The following KIDINS220 variants were observed in gnomAD, a reference collection of about 807,000 sequenced individuals.
KIDINS220 encodes kinase D-interacting substrate of 220 kDa.
KIDINS220 carries 63 observed loss-of-function variants against 157.6 expected under a neutral mutation model. That is an observed-to-expected ratio of 0.40 (90% CI 0.33 to 0.49). The LOEUF (loss-of-function observed/expected upper bound fraction) is 0.49. Among genes scored for constraint, KIDINS220 ranks in the 20% least tolerant of loss-of-function variants. KIDINS220 has a pLI of 0.66. For missense variants in KIDINS220, 1,772 were observed against 2,171.2 expected (o/e 0.82, Z 3.65); for synonymous variants, 732 against 783.6 (o/e 0.93, Z 1.10).
At position 8,798,197 on chromosome 2, in the gene KIDINS220, T is replaced by C; in HGVS notation, c.999+5A>G. The C allele has an allele frequency of 6.4e-7, 1 of 1,552,396 alleles. No homozygotes were observed. Among genetic ancestry groups the C allele is most frequent in the Non-Finnish European group, 8.9e-7 (1 of 1,124,300 alleles). On this transcript the variant is annotated splice_donor_5th_base_variant and intron_variant, in intron 10 of 29. Transcript: ENST00000256707. ...CTGCTAACAGAATAGAAATGCCATT[T>C]ATACCTTTGTGCATATTTCAGTGTC... is the stretch of plus-strand genomic sequence containing the variant.
chr2:8,744,214 TGA>T (rs1296448194), intron 26 of KIDINS220, among the ~76,000 whole-genome samples: 2 of 144,352 alleles, frequency 1.4e-5, no homozygotes, highest in African/African-American at 5.0e-5. Flanking sequence ...CTCACTTCTG[TGA>T]AACACTTGGA....
chr2:8,813,821 G>A (rs1386757347), intron 4 of KIDINS220, among the ~76,000 whole-genome samples: 2 of 152,094 alleles, frequency 1.3e-5, no homozygotes, highest in Admixed American at 1.3e-4. Flanking sequence ...CTATTCGGGA[G>A]GCTGAGGCAG....
In KIDINS220 at chr2:8,790,118, A is replaced by C. The variant is rs1232402292; in HGVS notation, c.1442-59T>G. On this transcript the variant is annotated intron_variant, in intron 13 of 29. Transcript: ENST00000256707. ...GTTTTGTTTAAGAAATACAACTTTT[A>C]ACTCAATATGCAGTTTTCACATTTT... 6 of 1,463,300 alleles carry C rather than the reference A, an allele frequency of 4.1e-6. No homozygotes were observed. The African/African-American group carries it at 8.6e-5, about 21-fold the overall frequency. The allele number at this position is 1,463,300 out of a possible 1,614,324, so 90.6% of individuals were successfully genotyped here. A position where few individuals can be genotyped will look rare whatever the true frequency, so the allele number is the denominator to read the frequency against.
intron 22 of KIDINS220, 64 bp downstream of exon 22, chr2:8,770,606 G>GTTTT (rs57679000): frequency 2.5e-5 from 18 of 719,716 alleles, no homozygotes; most frequent in South Asian, 1.1e-4. Context: ...CTTTATACGC[G>GTTTT]TTTTTTTTTT....
chr2:8,742,216 C>G (rs897193544), intron 26 of KIDINS220, among the ~76,000 whole-genome samples: 5 of 151,926 alleles, frequency 3.3e-5, no homozygotes, highest in African/African-American at 1.2e-4. Context: ...TCACCTCAGC[C>G]TCTCAAGTAG....
chr2:8,748,264 G>A (rs1030306716), intron 24 of KIDINS220, among the ~76,000 whole-genome samples: 1 of 152,030 alleles, frequency 6.6e-6, no homozygotes. Flanking sequence ...AGTTTGACAC[G>A]AGTTTCTCTC....
At position 8,730,901 on chromosome 2, in the gene KIDINS220, A is replaced by T; in HGVS notation, c.5135T>A (p.Ile1712Asn). 6.2e-7 allele frequency: 1 copy of T among 1,614,212 alleles called. No homozygotes were observed. The highest frequency in any genetic ancestry group is 8.5e-7 in the Non-Finnish European group (1 of 1,180,042). Residue 1712 changes from isoleucine (I) to asparagine (N), a missense_variant, in exon 30 of 30, where the codon ATT becomes AAT. Physicochemically the swap from Ile to Asn is moderately radical, Grantham distance 149. Coordinates refer to ENST00000256707, the MANE Select transcript of KIDINS220 (RefSeq NM_020738.4). ...MEGIRETSQV[I>N]LRPSSSPNPT... ...GTTGGGACTGGAACTAGGCCTCAAAATGACTTGAGAAGTCTCCCTAATTCC... is the reference window on the plus strand; with the variant it reads ...GTTGGGACTGGAACTAGGCCTCAAATTGACTTGAGAAGTCTCCCTAATTCC...
At position 8,803,018 on chromosome 2, in the gene KIDINS220, G is replaced by C; in HGVS notation, c.713C>G (p.Thr238Arg). The stretch of plus-strand genomic sequence containing the variant: ...CTCCTTTGATGCAATCATCAAAGCT[G>C]TATTTCCATCTTTATCTGTTAAGTT... The part of the protein sequence containing the change: ...NVNLTDKDGN[T>R]ALMIASKEGH... The change falls in exon 8 of 30, where the codon ACA becomes AGA. Residue 238 changes from threonine to arginine, a missense_variant. Around this residue, in one of 3 missense-constraint regions of KIDINS220, gnomAD observed 725 missense variants for 1,017.1 expected, o/e 0.71. Transcript: ENST00000256707. 1 of 1,613,678 alleles carries C rather than the reference G, an allele frequency of 6.2e-7. No individual in the cohort carries two copies. The highest frequency in any genetic ancestry group is 1.1e-5 in the South Asian group (1 of 91,088).
chr2:8,766,856 T>C lies in KIDINS220; in HGVS notation c.3011+3814A>G, dbSNP rs530937385. On this transcript the variant is annotated intron_variant, in intron 22 of 29. Transcript: ENST00000256707. ...AGATACATCAAAATAAGCTAAAAAA[T>C]TATGCCCTTCACCTTTATCTTTAGA... 4.5e-4 allele frequency among the ~76,000 whole-genome samples: 68 copies of C among 152,320 alleles called. 1 individual carries two copies. Among genetic ancestry groups the C allele is most frequent in the Middle Eastern group, 3.4e-3 (1 of 292 alleles).
chr2:8,743,726 T>C (rs1356860148), intron 26 of KIDINS220, among the ~76,000 whole-genome samples: 1 of 152,188 alleles, frequency 6.6e-6, no homozygotes, highest in Non-Finnish European at 1.5e-5. Flanking sequence ...ATCTGTGCCA[T>C]GTGGAGACTA....
At chr2:8,821,034 CTCAGG>C (rs1291196928) in intron 2 of KIDINS220, among the ~76,000 whole-genome samples, 3 of 152,040 alleles carry the variant, frequency 2.0e-5, no homozygotes, top group Non-Finnish European at 4.4e-5. Context: ...ATTCCAAAGA[CTCAGG>C]GAAGTTTTCT....
At position 8,800,516 on chromosome 2, in the gene KIDINS220, A is replaced by C. The variant is rs746782643; in HGVS notation, c.802-18T>G. The C allele has an allele frequency of 6.6e-7, 1 of 1,506,450 alleles. No homozygotes were observed. The highest frequency in any genetic ancestry group is 1.2e-5 in the South Asian group (1 of 84,680). 93.3% of individuals were successfully genotyped at this position (1,506,450 alleles called of 1,614,324 possible). ...TCCCCACTCTAAGAAGACAGAAAAT[A>C]AAAACAAAAACAAGGTAAATTGACA... On this transcript the variant is annotated intron_variant, in intron 8 of 29. Transcript: ENST00000256707.
At chr2:8,785,103 G>C (rs1672217444) in intron 17 of KIDINS220, among the ~76,000 whole-genome samples, 1 of 152,154 alleles carries the variant, frequency 6.6e-6, no homozygotes, top group African/African-American at 2.4e-5. Flanking sequence ...GTCATGAAAA[G>C]ACATGAAGGG....
downstream of KIDINS220, chr2:8,721,206 GAAA>G (rs1662939725): frequency 6.6e-6 from 1 of 151,846 alleles, no homozygotes; most frequent in African/African-American, 2.4e-5. Flanking sequence ...AGAATATGAA[GAAA>G]AATACATATA....
chr2:8,762,571 A>G (rs1301058987), intron 22 of KIDINS220, among the ~76,000 whole-genome samples: 1 of 152,104 alleles, frequency 6.6e-6, no homozygotes. Context: ...CCCCGTCTCT[A>G]TTAAAAATAC....
chr2:8,789,483 T>C (rs1458790888), intron 14 of KIDINS220, among the ~76,000 whole-genome samples: 1 of 151,926 alleles, frequency 6.6e-6, no homozygotes, highest in Non-Finnish European at 1.5e-5. Context: ...AGAGACGGGG[T>C]TTCACCATGT....
intron 22 of KIDINS220, among the ~76,000 whole-genome samples, chr2:8,755,204 A>G (rs1443232093): frequency 6.6e-6 from 1 of 152,210 alleles, no homozygotes; most frequent in Non-Finnish European, 1.5e-5. Flanking sequence ...ACACCCTTCC[A>G]TCTTCACCCT....
intron 24 of KIDINS220, among the ~76,000 whole-genome samples, 197 bp downstream of exon 24, chr2:8,749,915 C>CAAGA (rs1320203294): frequency 6.6e-6 from 1 of 152,160 alleles, no homozygotes; most frequent in East Asian, 1.9e-4. Context: ...TATTCAGACT[C>CAAGA]TCTTGAGACC....
At chr2:8,801,336 TTAA>T (rs1309662299) in intron 8 of KIDINS220, among the ~76,000 whole-genome samples, 1 of 152,174 alleles carries the variant, frequency 6.6e-6, no homozygotes, top group East Asian at 1.9e-4. Flanking sequence ...TTAAGGGTTA[TTAA>T]GTTCAGCACC....
Sources: allele counts gnomAD v4.1 joint callset (sites outside exome capture counted in the v4.1 genomes callset), GRCh38; gene constraint gnomAD v4.1.1; regional missense constraint gnomAD v4.1.1; transcripts MANE v1.5; gene names NCBI Gene and HGNC (gene_info 2026-07-23, HGNC 2026-07-21).